The following MFN2 variants were observed in gnomAD, a reference collection of about 807,000 sequenced individuals.
The protein encoded by MFN2 is mitofusin 2, also known as mitofusin-2.
MFN2 carries 43 observed loss-of-function variants against 87.5 expected under a neutral mutation model. That is an observed-to-expected ratio of 0.49 (90% CI 0.38 to 0.63). MFN2 has a LOEUF of 0.63. Ranked by LOEUF, MFN2 falls within the 30% of genes least tolerant of loss-of-function variation. The pLI is 0.00. For missense variants in MFN2, 743 were observed against 972.8 expected, an observed-to-expected ratio of 0.76 and a Z score of 3.14; for synonymous variants, 337 against 359.9, an observed-to-expected ratio of 0.94 and a Z score of 0.72.
Position 12,011,586 on chromosome 1 carries a change from T to A in MFN2, c.*21T>A, listed in dbSNP as rs752251662. On this transcript the variant is annotated 3_prime_UTR_variant, in exon 19 of 19. Coordinates refer to ENST00000235329, the MANE Select transcript of MFN2 (RefSeq NM_014874.4). ...GATAGTGGGCACCTGAGGCGGAGTC[T>A]GCGTGGAGAGGGGCGGTGCTGCCAG... 61 of 1,613,144 alleles carry A rather than the reference T, an allele frequency of 3.8e-5. 1 individual carries two copies. Among genetic ancestry groups the A allele is most frequent in the Non-Finnish European group, 8.5e-7 (1 of 1,179,846 alleles).
Position 12,013,206 on chromosome 1 carries a change from T to A in MFN2, c.*1641T>A. On this transcript the variant is annotated 3_prime_UTR_variant, in exon 19 of 19. Transcript: ENST00000235329. ...TTGTGCTCTTTTTGAAAAAAAAAAATTCTTTAGCGTAAACATGAATTTTTT... is the reference window on the plus strand; with the variant it reads ...TTGTGCTCTTTTTGAAAAAAAAAAAATCTTTAGCGTAAACATGAATTTTTT... The A allele has an allele frequency of 3.0e-6, 1 of 328,940 alleles. No homozygotes were observed. 20.4% of individuals were successfully genotyped at this position (328,940 alleles called of 1,614,324 possible).
intron 4 of MFN2, among the ~76,000 whole-genome samples, chr1:11,995,059 T>C (rs1638850577): frequency 6.6e-6 from 1 of 151,630 alleles, no homozygotes; most frequent in Non-Finnish European, 1.5e-5. Flanking sequence ...CTGAGCAACA[T>C]GGCAAGACCC....
intron 2 of MFN2, among the ~76,000 whole-genome samples, chr1:11,984,901 A>G (rs928376345): frequency 6.6e-6 from 1 of 152,232 alleles, no homozygotes; most frequent in Non-Finnish European, 1.5e-5. Flanking sequence ...GATATCCCTC[A>G]TAATAACCTG....
intron 17 of MFN2, 143 bp downstream of exon 17, chr1:12,007,392 C>T (rs1252249937): frequency 1.8e-6 from 2 of 1,081,340 alleles, no homozygotes; most frequent in East Asian, 5.2e-5. Context: ...GTGTGCAGGG[C>T]CAGCTTTGAG....
intron 14 of MFN2, 91 bp from the exon 15 acceptor site, chr1:12,005,620 A>G (rs1284606232): frequency 1.5e-6 from 2 of 1,303,454 alleles, no homozygotes; most frequent in South Asian, 1.2e-5. Context: ...CATCCCTGGC[A>G]GTAGCTGGTA....
rs534078581 is a variant in MFN2 at position 11,996,102 on chromosome 1, A to G, written c.312-54A>G. 56 of 1,612,760 alleles carry G rather than the reference A, an allele frequency of 3.5e-5. 1 individual carries two copies. The East Asian group carries it at 1.2e-3, about 34-fold the overall frequency. ...TCCAGGCTGGTATCTGCGTTGTGAA[A>G]GTAATTCAGGTCAGATACTGGTGGC... On this transcript the variant is annotated intron_variant, in intron 4 of 18. Coordinates refer to ENST00000235329, the MANE Select transcript of MFN2 (RefSeq NM_014874.4).
intron 14 of MFN2, 48 bp from the exon 15 acceptor site, chr1:12,005,663 G>A: frequency 6.4e-7 from 1 of 1,571,506 alleles, no homozygotes; most frequent in Non-Finnish European, 8.8e-7. Flanking sequence ...TGCCGCTGTG[G>A]TGCAGGGCTG....
Position 12,012,106 on chromosome 1 carries a change from A to C in MFN2, c.*541A>C. 1 of 168,056 alleles carries C rather than the reference A, an allele frequency of 6.0e-6. No individual in the cohort carries two copies. Among genetic ancestry groups the C allele is most frequent in the Non-Finnish European group, 1.3e-5 (1 of 76,494 alleles). The allele number at this position is 168,056 out of a possible 1,614,324, so 10.4% of individuals were successfully genotyped here. A position where few individuals can be genotyped will look rare whatever the true frequency, so the allele number is the denominator to read the frequency against. On this transcript the variant is annotated 3_prime_UTR_variant, in exon 19 of 19. Coordinates refer to ENST00000235329, the MANE Select transcript of MFN2 (RefSeq NM_014874.4). ...TGCTTCATCCCATTTGCAGAGCCTC[A>C]GACACGTCTTGGTGGTGAGGCTCAG...
chr1:11,988,084 T>TGTGTGTGTGTGTG (rs1553140706), intron 2 of MFN2, among the ~76,000 whole-genome samples: 35 of 144,340 alleles, frequency 2.4e-4, no homozygotes, highest in African/African-American at 7.8e-4. Context: ...CCAATAGTTT[T>TGTGTGTGTGTGTG]TGTGTGTGTG....
At position 11,989,307 on chromosome 1, in the gene MFN2, G is replaced by A. The variant is rs1638569609; in HGVS notation, c.139G>A (p.Gly47Arg). ...GATCAATGGCATTTTTGAGCAGCTG[G>A]GGGCCTACATCCAGGAGAGCGCCAC... Reference protein sequence around the residue: ...KKINGIFEQLGAYIQESATFL... With the variant: ...KKINGIFEQLRAYIQESATFL... The change falls in exon 3 of 19, where the codon GGG becomes AGG. Residue 47 changes from glycine to arginine, a missense_variant. Coordinates refer to ENST00000235329, the MANE Select transcript of MFN2 (RefSeq NM_014874.4). 2.5e-6 allele frequency: 4 copies of A among 1,614,040 alleles called. No homozygotes were observed. The East Asian group carries it at 8.9e-5, about 36-fold the overall frequency.
rs1359311068 is a variant in MFN2 at position 12,002,050 on chromosome 1, A to G, written c.1107A>G (p.Ala369=). The G allele has an allele frequency of 1.2e-6, 2 of 1,614,134 alleles. No individual in the cohort carries two copies. The highest frequency in any genetic ancestry group is 4.5e-5 in the East Asian group (2 of 44,894). Residue 369 remains alanine (A), a synonymous_variant, in exon 11 of 19, where the codon GCA becomes GCG. Transcript: ENST00000235329. ...ACACGGTCCGGGCCAAGCAGATTGC[A>G]GAGGCGGTTCGACTCATCATGGACT... ...EQHTVRAKQI[A]EAVRLIMDSL...
rs35943162 is a variant in MFN2, at chr1:12,013,194, G to GAA, written c.*1639_*1640dup. ...TTCCAATGGATTTTGTGCTCTTTTT[G>GAA]AAAAAAAAAAATTCTTTAGCGTAAA... On this transcript the variant is annotated 3_prime_UTR_variant, in exon 19 of 19. Coordinates refer to ENST00000235329, the MANE Select transcript of MFN2 (RefSeq NM_014874.4). The GAA allele has an allele frequency of 6.5e-5, 20 of 306,604 alleles. No homozygotes were observed. The highest frequency in any genetic ancestry group is 9.1e-5 in the African/African-American group (4 of 43,946). The allele number at this position is 306,604 out of a possible 1,614,324, so 19.0% of individuals were successfully genotyped here.
At chr1:11,981,427 C>G (rs955499336) in intron 1 of MFN2, among the ~76,000 whole-genome samples, 1 of 152,186 alleles carries the variant, frequency 6.6e-6, no homozygotes, top group Non-Finnish European at 1.5e-5. Context: ...CGCTTGAACC[C>G]GGGAGGCGGA....
chr1:11,984,406 T>C (rs1389580293), intron 2 of MFN2, among the ~76,000 whole-genome samples: 2 of 152,332 alleles, frequency 1.3e-5, no homozygotes, highest in African/African-American at 4.8e-5. Context: ...TTTGTTGTTA[T>C]TGTTTTATAA....
At chr1:11,984,543 C>T (rs572665860) in intron 2 of MFN2, among the ~76,000 whole-genome samples, 1 of 152,200 alleles carries the variant, frequency 6.6e-6, no homozygotes, top group Non-Finnish European at 1.5e-5. Flanking sequence ...GATCCAGGCT[C>T]ATAACTCCTA....
At chr1:11,985,697 A>T (rs941814056) in intron 2 of MFN2, among the ~76,000 whole-genome samples, 16 of 151,836 alleles carry the variant, frequency 1.1e-4, no homozygotes, top group African/African-American at 3.9e-4. Context: ...TGAACTCCTG[A>T]CCTCAGGTGA....
chr1:12,005,611 A>C, intron 14 of MFN2, 100 bp from the exon 15 acceptor site: 2 of 1,242,336 alleles, frequency 1.6e-6, no homozygotes, highest in Non-Finnish European at 2.4e-6. Flanking sequence ...GCTGTTCAGC[A>C]TCCCTGGCAG....
Position 12,001,509 on chromosome 1 carries a change from G to A in MFN2, c.925G>A (p.Val309Met), listed in dbSNP as rs1341422306. 3.1e-6 allele frequency: 5 copies of A among 1,614,102 alleles called. No homozygotes were observed. Among genetic ancestry groups the A allele is most frequent in the African/African-American group, 2.7e-5 (2 of 74,946 alleles). ...DRIFFVSAKE[V>M]LNARIQKAQG... ...CATCTTCTTTGTGTCTGCTAAGGAGGTGCTCAACGCCAGGATTCAGAAAGC... is the reference window on the plus strand; with the variant it reads ...CATCTTCTTTGTGTCTGCTAAGGAGATGCTCAACGCCAGGATTCAGAAAGC... Residue 309 changes from valine to methionine, a missense_variant, in exon 9 of 19, where the codon GTG (valine) becomes ATG (methionine). By Grantham distance (21) the Val-to-Met change is conservative. Transcript: ENST00000235329.
chr1:11,997,083 CT>C (rs1342766406), intron 5 of MFN2, among the ~76,000 whole-genome samples: 2 of 150,364 alleles, frequency 1.3e-5, no homozygotes. Flanking sequence ...GAACAGATGA[CT>C]TTAGGGTGAT....
Sources: allele counts gnomAD v4.1 joint callset (sites outside exome capture counted in the v4.1 genomes callset), GRCh38; gene constraint gnomAD v4.1.1; transcripts MANE v1.5; gene names NCBI Gene and HGNC (gene_info 2026-07-23, HGNC 2026-07-21).